Variants in MYO19 observed in about 807,000 individuals in gnomAD.
The protein encoded by MYO19 is myosin XIX, also known as unconventional myosin-XIX.
A neutral mutation model predicts 129.2 loss-of-function variants in MYO19; 132 were observed. The ratio of observed to expected loss-of-function variants is 1.02; its 90% CI spans 0.89 to 1.18. MYO19 has a LOEUF of 1.18. MYO19 is among the 50% of genes most tolerant of loss of function. The pLI, the probability that MYO19 is intolerant of heterozygous loss-of-function variation, is 0.00. For synonymous variants in MYO19, 531 were observed against 477.2 expected (o/e 1.11, Z -1.47); for missense variants, 1,210 against 1,216.7 (o/e 0.99, Z 0.08).
chr17:36,532,289 TA>T (rs1423462722), intron 3 of MYO19, among the ~76,000 whole-genome samples: 1 of 152,142 alleles, frequency 6.6e-6, no homozygotes, highest in Non-Finnish European at 1.5e-5. Flanking sequence ...CAAAGTGCCC[TA>T]AGGATTCCCT....
At chr17:36,499,378 A>G (rs2071295801) in intron 23 of MYO19, 1 of 377,734 alleles carries the variant, frequency 2.6e-6, no homozygotes, top group South Asian at 2.4e-5. Context: ...ACACCTACAC[A>G]ACACAGTGAA....
intron 2 of MYO19, among the ~76,000 whole-genome samples, chr17:36,541,080 T>C (rs986013965): frequency 3.9e-5 from 6 of 152,108 alleles, no homozygotes; most frequent in Non-Finnish European, 5.9e-5. Context: ...CCCGAGTAGC[T>C]GGGACTACAG....
rs758915716 is a variant in MYO19 at position 36,525,215 on chromosome 17, G to C, written c.414+13C>G. 6 of 1,600,596 alleles carry C rather than the reference G, an allele frequency of 3.7e-6. No individual in the cohort carries two copies. In the Admixed American group the frequency reaches 1.0e-4, roughly 27 times the overall value. ...AGTCGTGAGTTGACAGGATGGGAAA[G>C]ACGTCTTCCTACCTTTCCAGCACCA... is the stretch of plus-strand genomic sequence containing the variant. On this transcript the variant is annotated intron_variant, in intron 6 of 25. Transcript: ENST00000614623.
rs980090655 is a variant in MYO19 at position 36,525,213 on chromosome 17, A to G, written c.414+15T>C. The G allele has an allele frequency of 6.3e-6, 10 of 1,598,056 alleles. No individual in the cohort carries two copies. In the East Asian group the frequency reaches 6.7e-5, roughly 11 times the overall value. On this transcript the variant is annotated intron_variant, in intron 6 of 25. Transcript: ENST00000614623. ...CCAGTCGTGAGTTGACAGGATGGGAAAGACGTCTTCCTACCTTTCCAGCAC... is the reference window on the plus strand; with the variant it reads ...CCAGTCGTGAGTTGACAGGATGGGAGAGACGTCTTCCTACCTTTCCAGCAC...
At chr17:36,541,484 G>A (rs959255692) in intron 2 of MYO19, among the ~76,000 whole-genome samples, 1 of 152,156 alleles carries the variant, frequency 6.6e-6, no homozygotes, top group South Asian at 2.1e-4. Flanking sequence ...GTAGCCTGGA[G>A]AACAGATAGA....
At chr17:36,529,715 A>T (rs146007312) in intron 3 of MYO19, among the ~76,000 whole-genome samples, 2 of 152,206 alleles carry the variant, frequency 1.3e-5, no homozygotes, top group African/African-American at 4.8e-5. Context: ...AGGGGAAAAA[A>T]AAACCACCAC....
chr17:36,531,366 G>A (rs1478141245), intron 3 of MYO19, among the ~76,000 whole-genome samples: 1 of 137,724 alleles, frequency 7.3e-6, no homozygotes, highest in South Asian at 2.3e-4. Context: ...CTACACTCCA[G>A]CCTGGATGAC....
At chr17:36,535,360 C>G (rs2074076157), upstream of MYO19, 1 of 152,368 alleles carries the variant, frequency 6.6e-6, no homozygotes, top group Admixed American at 6.5e-5. Flanking sequence ...CTGGCCTGCA[C>G]CAGCCCAAAG....
At chr17:36,499,014 G>A (rs1193729179) in intron 24 of MYO19, 61 bp downstream of exon 24, 4 of 1,341,224 alleles carry the variant, frequency 3.0e-6, no homozygotes, top group Admixed American at 2.0e-5. Flanking sequence ...ATTCCCACTC[G>A]GGTCCATCTG....
intron 6 of MYO19, among the ~76,000 whole-genome samples, chr17:36,523,886 G>A (rs998508190): frequency 6.6e-6 from 1 of 152,220 alleles, no homozygotes; most frequent in African/African-American, 2.4e-5. Flanking sequence ...TGCATCTGGA[G>A]ACAGGGAACA....
At position 36,501,182 on chromosome 17, in the gene MYO19, G is replaced by GA. The variant is rs1214885750; in HGVS notation, c.2133dup (p.Leu712SerfsTer16). 6.2e-7 allele frequency: 1 copy of GA among 1,613,918 alleles called. No individual in the cohort carries two copies. Among genetic ancestry groups the GA allele is most frequent in the Non-Finnish European group, 8.5e-7 (1 of 1,179,900 alleles). ...TGAGTTAGGACCGGCAGAGTGTGGAGAATGTCCTGGATGAGAGGTTCAAGC... is the reference window on the plus strand; with the variant it reads ...TGAGTTAGGACCGGCAGAGTGTGGAGAAATGTCCTGGATGAGAGGTTCAAGC... On this transcript the variant is annotated frameshift_variant, in exon 22 of 26. Coordinates refer to ENST00000614623, the MANE Select transcript of MYO19 (RefSeq NM_001163735.2). LOFTEE classifies it high-confidence loss of function.
chr17:36,506,857 A>AG (rs2071932656), intron 17 of MYO19, 106 bp downstream of exon 17: 1 of 1,329,016 alleles, frequency 7.5e-7, no homozygotes, highest in Non-Finnish European at 1.0e-6. Flanking sequence ...TTCTGGGAGG[A>AG]GGTTCAGGAG....
chr17:36,538,171 T>G, upstream of MYO19: 1 of 1,613,948 alleles, frequency 6.2e-7, no homozygotes, highest in East Asian at 2.2e-5. Flanking sequence ...CTTTACGTAG[T>G]TCAAGTAAAT....
chr17:36,532,413 A>G, intron 3 of MYO19, 114 bp downstream of exon 3: 1 of 1,273,438 alleles, frequency 7.9e-7, no homozygotes, highest in Non-Finnish European at 1.1e-6. Flanking sequence ...TGGAGAGACA[A>G]TTTGAGGAGA....
chr17:36,511,149 A>G (rs765391044), intron 12 of MYO19: 11 of 668,546 alleles, frequency 1.6e-5, no homozygotes, highest in Non-Finnish European at 2.5e-5. Context: ...TCACTTTACA[A>G]ACCTCTGACT....
intron 11 of MYO19, chr17:36,512,565 T>G (rs2072434150): frequency 8.3e-7 from 1 of 1,206,600 alleles, no homozygotes; most frequent in Non-Finnish European, 1.1e-6. Context: ...CAGAGGGTCA[T>G]GCCCACCCCC....
At chr17:36,536,122 T>A (rs1415154968), upstream of MYO19, among the ~76,000 whole-genome samples, 1 of 152,226 alleles carries the variant, frequency 6.6e-6, no homozygotes, top group Non-Finnish European at 1.5e-5. Context: ...AGAGGTGTTT[T>A]ACAACCCTTA....
At position 36,506,470 on chromosome 17, in the gene MYO19, C is replaced by T; in HGVS notation, c.1783G>A (p.Val595Met). ...ATCAGACCCACCTTGAACTTGGACA[C>T]CACGGTCAACACAGGGGCCCTGCTC... ...GQSRAPVLTVVSKFKASLEQL... is the reference protein window; with the variant it reads ...GQSRAPVLTVMSKFKASLEQL... Residue 595 changes from valine (V) to methionine (M), a missense_variant, in exon 18 of 26, where the codon GTG (valine) becomes ATG (methionine). By Grantham distance (21) the Val-to-Met change is conservative. Coordinates refer to ENST00000614623, the MANE Select transcript of MYO19 (RefSeq NM_001163735.2). 6.2e-7 allele frequency: 1 copy of T among 1,613,904 alleles called. No homozygotes were observed. The highest frequency in any genetic ancestry group is 8.5e-7 in the Non-Finnish European group (1 of 1,179,844).
chr17:36,503,309 C>CG, intron 20 of MYO19, 109 bp from the exon 21 acceptor site: 8 of 853,470 alleles, frequency 9.4e-6, no homozygotes, highest in Non-Finnish European at 1.6e-5. Flanking sequence ...CAACACAGCA[C>CG]GGTGCTGCCC....
Sources: gnomAD v4.1 joint callset for allele counts (sites outside exome capture counted in the v4.1 genomes callset) on GRCh38, gnomAD v4.1.1 for gene constraint, MANE v1.5 for transcripts, NCBI Gene and HGNC (gene_info 2026-07-23, HGNC 2026-07-21) for gene names.